Variants in TAF8 observed in about 807,000 individuals in gnomAD.
TAF8 encodes the protein transcription initiation factor TFIID subunit 8.
A neutral mutation model predicts 36.5 loss-of-function variants in TAF8; 47 were observed. The observed-to-expected ratio is 1.29, with a 90% CI of 1.02 to 1.64. TAF8 has a LOEUF of 1.64. TAF8 is among the 40% of genes most tolerant of loss of function. The pLI is 0.00. For missense variants in TAF8, 420 were observed against 407.6 expected (o/e 1.03, Z -0.26); for synonymous variants, 175 against 159.5 (o/e 1.10, Z -0.73).
chr6:42,084,158 G>C (rs1215440621), downstream of TAF8, among the ~76,000 whole-genome samples: 1 of 143,662 alleles, frequency 7.0e-6, no homozygotes, highest in Non-Finnish European at 1.5e-5. Flanking sequence ...TCCAGCCTGG[G>C]CGACAGAGCG....
Position 42,056,043 on chromosome 6 carries a change from C to T in TAF8, c.364+29C>T, listed in dbSNP as rs768883027. The T allele has an allele frequency of 7.1e-6, 10 of 1,414,864 alleles. No homozygotes were observed. In the South Asian group the frequency reaches 8.1e-5, roughly 11 times the overall value. 87.6% of individuals were successfully genotyped at this position (1,414,864 alleles called of 1,614,324 possible). A position where few individuals can be genotyped will look rare whatever the true frequency, so the allele number is the denominator to read the frequency against. Reference sequence around the variant, plus strand: ...AGTGACTTTGAACTGAGGTACTTAGCAATTTTTCAATTAATGCTTGTGGAA... The same window carrying T: ...AGTGACTTTGAACTGAGGTACTTAGTAATTTTTCAATTAATGCTTGTGGAA... On this transcript the variant is annotated intron_variant, in intron 4 of 8. Transcript: ENST00000372977.
At chr6:42,084,915 G>A (rs1766003364), downstream of TAF8, among the ~76,000 whole-genome samples, 1 of 152,232 alleles carries the variant, frequency 6.6e-6, no homozygotes, top group South Asian at 2.1e-4. Flanking sequence ...CGCATCTGGA[G>A]AGCAGCAGAA....
intron 8 of TAF8, 79 bp from the exon 9 acceptor site, chr6:42,077,454 A>T (rs1765792540): frequency 3.1e-6 from 5 of 1,588,930 alleles, no homozygotes; most frequent in Admixed American, 3.6e-5. Flanking sequence ...CAACCCTCAC[A>T]GCACTGGAGC....
chr6:42,086,603 C>T (rs1446025296), downstream of TAF8: 18 of 1,002,314 alleles, frequency 1.8e-5, no homozygotes, highest in East Asian at 2.9e-4. Flanking sequence ...ACAAGCAGCT[C>T]CCCTGATCTG....
At chr6:42,059,991 G>T (rs1048001217) in intron 5 of TAF8, among the ~76,000 whole-genome samples, 15 of 152,192 alleles carry the variant, frequency 9.9e-5, no homozygotes, top group African/African-American at 3.4e-4. Flanking sequence ...GAGTGGAACT[G>T]GTTTGCAACT....
At position 42,066,396 on chromosome 6, in the gene TAF8, C is replaced by T. The variant is rs770137667; in HGVS notation, c.574C>T (p.Arg192Cys). ...QRRDVERALT[R>C]FMAKTGETQS... ...GCGCGATGTGGAGCGGGCACTTACC[C>T]GTTTCATGGCCAAGACAGGCGAGAC... The change falls in exon 6 of 9, where the codon CGT becomes TGT. Residue 192 changes from arginine (R) to cysteine (C), a missense_variant. Physicochemically the swap from Arg to Cys is radical, Grantham distance 180. Coordinates refer to ENST00000372977, the MANE Select transcript of TAF8 (RefSeq NM_138572.3). 12 of 1,614,204 alleles carry T rather than the reference C, an allele frequency of 7.4e-6. No individual in the cohort carries two copies. Among genetic ancestry groups the T allele is most frequent in the African/African-American group, 1.3e-5 (1 of 75,038 alleles).
chr6:42,073,919 A>G (rs1765669512), intron 7 of TAF8, among the ~76,000 whole-genome samples: 1 of 152,148 alleles, frequency 6.6e-6, no homozygotes, highest in South Asian at 2.1e-4. Flanking sequence ...AGGTGGTGGA[A>G]GTGGTCAGTG....
intron 7 of TAF8, among the ~76,000 whole-genome samples, chr6:42,072,807 C>T (rs1765623843): frequency 6.6e-6 from 1 of 151,972 alleles, no homozygotes; most frequent in Non-Finnish European, 1.5e-5. Context: ...GCTGCAAGCT[C>T]CGCCTCCCGG....
rs1582252410 is a variant in TAF8 at position 42,079,374 on chromosome 6, G to A, written c.*1829G>A. On this transcript the variant is annotated 3_prime_UTR_variant, in exon 9 of 9. Coordinates refer to ENST00000372977, the MANE Select transcript of TAF8 (RefSeq NM_138572.3). The stretch of plus-strand genomic sequence containing the variant: ...ACATACCCTACAAACCAGAAAACAA[G>A]TTTTTAAGGAAGATGCTGGGCATGC... 13 of 985,414 alleles carry A rather than the reference G, an allele frequency of 1.3e-5. No individual in the cohort carries two copies. The South Asian group carries it at 1.4e-4, about 11-fold the overall frequency. The allele number at this position is 985,414 out of a possible 1,614,324, so 61.0% of individuals were successfully genotyped here.
chr6:42,066,427 GTC>G lies in TAF8; in HGVS notation c.607_608del (p.Leu203PhefsTer4). 6.2e-7 allele frequency: 1 copy of G among 1,614,236 alleles called. No individual in the cohort carries two copies. Among genetic ancestry groups the G allele is most frequent in the Non-Finnish European group, 8.5e-7 (1 of 1,180,042 alleles). ...ATGGCCAAGACAGGCGAGACTCAGA[GTC>G]TTTTCAAAGATGACGTCAGCACATT... is the stretch of plus-strand genomic sequence containing the variant. On this transcript the variant is annotated frameshift_variant, in exon 6 of 9. Transcript: ENST00000372977. LOFTEE classifies it high-confidence loss of function.
Position 42,057,425 on chromosome 6 carries a change from T to TGGG in TAF8, c.401_402insGGG (p.Leu134_Thr135insGly). On this transcript the variant is annotated inframe_insertion, in exon 5 of 9. Coordinates refer to ENST00000372977, the MANE Select transcript of TAF8 (RefSeq NM_138572.3). ...AATCAGCCAGTGACCCCCAAGGCCCTCACTGCAGGGCAGAACCGACCCCAC... is the reference window on the plus strand; with the variant it reads ...AATCAGCCAGTGACCCCCAAGGCCCTGGGCACTGCAGGGCAGAACCGACCCCAC... The TGGG allele has an allele frequency of 6.2e-7, 1 of 1,614,014 alleles. No homozygotes were observed. Among genetic ancestry groups the TGGG allele is most frequent in the Non-Finnish European group, 8.5e-7 (1 of 1,179,988 alleles).
In TAF8 at chr6:42,079,051, G is replaced by A. The variant is rs985078783; in HGVS notation, c.*1506G>A. On this transcript the variant is annotated 3_prime_UTR_variant, in exon 9 of 9. Coordinates refer to ENST00000372977, the MANE Select transcript of TAF8 (RefSeq NM_138572.3). ...GCAGGAGAATCACTTGAACCTGGGA[G>A]GCGGAGGTTGCAGTGAGCCGAGATC... 132 of 637,164 alleles carry A rather than the reference G, an allele frequency of 2.1e-4. No homozygotes were observed. Among genetic ancestry groups the A allele is most frequent in the Non-Finnish European group, 2.4e-4 (124 of 512,130 alleles). 39.5% of individuals were successfully genotyped at this position (637,164 alleles called of 1,614,324 possible). A position where few individuals can be genotyped will look rare whatever the true frequency, so the allele number is the denominator to read the frequency against.
chr6:42,063,707 TCTTTGCAC>T (rs1478520899), intron 5 of TAF8: 1 of 152,184 alleles, frequency 6.6e-6, no homozygotes, highest in African/African-American at 2.4e-5. Context: ...CCTTAAGTAG[TCTTTGCAC>T]CTTGGCCTCC....
intron 5 of TAF8, among the ~76,000 whole-genome samples, chr6:42,061,694 T>TA (rs1375038325): frequency 1.3e-5 from 2 of 152,168 alleles, no homozygotes; most frequent in African/African-American, 2.4e-5. Context: ...TTTATACAAA[T>TA]ATAGACCAAA....
At chr6:42,052,061 C>T (rs1402864543) in intron 2 of TAF8, among the ~76,000 whole-genome samples, 2 of 152,200 alleles carry the variant, frequency 1.3e-5, no homozygotes, top group African/African-American at 2.4e-5. Context: ...ATAGCTTGGG[C>T]AAGCCACTGA....
chr6:42,072,792 G>A (rs111772102), intron 7 of TAF8, among the ~76,000 whole-genome samples: 4 of 151,708 alleles, frequency 2.6e-5, no homozygotes, highest in African/African-American at 9.7e-5. Context: ...GCGTGATCTC[G>A]GCTCGCTGCA....
chr6:42,086,772 C>G, downstream of TAF8: 1 of 1,549,810 alleles, frequency 6.5e-7, no homozygotes, highest in Middle Eastern at 1.7e-4. Context: ...CCAAGTGCTC[C>G]CCAAGGAGAT....
Position 42,068,738 on chromosome 6 carries a change from G to A in TAF8, c.780+131G>A, listed in dbSNP as rs1012761762. The A allele has an allele frequency of 1.2e-5, 13 of 1,075,590 alleles. No individual in the cohort carries two copies. The African/African-American group carries it at 1.7e-4, about 14-fold the overall frequency. The allele number at this position is 1,075,590 out of a possible 1,614,324, so 66.6% of individuals were successfully genotyped here. ...GCTTTCTGTTAGGGGCCTGCATAAG[G>A]GCTTGCGTGATGATCCAGATGTGAC... On this transcript the variant is annotated intron_variant, in intron 7 of 8. Transcript: ENST00000372977.
At chr6:42,075,819 TG>T (rs1207543142) in intron 7 of TAF8, among the ~76,000 whole-genome samples, 6 of 152,240 alleles carry the variant, frequency 3.9e-5, no homozygotes, top group African/African-American at 1.4e-4. Context: ...TTTTTTTCTG[TG>T]TCTATACACA....
Sources: allele counts gnomAD v4.1 joint callset (sites outside exome capture counted in the v4.1 genomes callset), GRCh38; gene constraint gnomAD v4.1.1; transcripts MANE v1.5; gene names NCBI Gene and HGNC (gene_info 2026-07-23, HGNC 2026-07-21).